The following FBXL13 variants were observed in gnomAD, a reference collection of about 807,000 sequenced individuals.
FBXL13 encodes F-box and leucine-rich repeat protein 13.
FBXL13 carries 67 observed loss-of-function variants against 83.6 expected under a neutral mutation model. The ratio of observed to expected loss-of-function variants is 0.80; its 90% CI spans 0.66 to 0.98. The LOEUF is 0.98. Among genes scored for constraint, FBXL13 ranks in the 50% least tolerant of loss-of-function variants. The pLI, the probability that FBXL13 is intolerant of heterozygous loss-of-function variation, is 0.00. For missense variants in FBXL13, 822 were observed against 866.5 expected, an observed-to-expected ratio of 0.95 and a Z score of 0.64; for synonymous variants, 272 against 299.5, an observed-to-expected ratio of 0.91 and a Z score of 0.95.
In FBXL13 at chr7:102,939,554, C is replaced by T. The variant is rs772141379; in HGVS notation, c.725-7621G>A. 6 of 1,613,926 alleles carry T rather than the reference C, an allele frequency of 3.7e-6. No individual in the cohort carries two copies. In the East Asian group the frequency reaches 1.3e-4, roughly 36 times the overall value. On this transcript the variant is annotated intron_variant, in intron 8 of 19. Transcript: ENST00000313221. ...TTCATGAGCTGAAGAAATTAAACCT[C>T]AGCAGCAATGGCATTGAATTCATCG...
chr7:103,028,671 T>C (rs1794192681), exon 4 of FBXL13: 3 of 1,604,358 alleles, frequency 1.9e-6, no homozygotes, highest in Non-Finnish European at 2.6e-6. Context: ...AAGTCTGAAA[T>C]TGTAGCATGT....
At chr7:102,971,966 C>A (rs1375707132) in intron 6 of FBXL13, among the ~76,000 whole-genome samples, 2 of 149,990 alleles carry the variant, frequency 1.3e-5, no homozygotes, top group Non-Finnish European at 2.9e-5. Context: ...GCAGAGGTTG[C>A]AGTGAGCCAA....
intron 6 of FBXL13, among the ~76,000 whole-genome samples, chr7:102,981,092 G>C (rs1453042788): frequency 6.6e-6 from 1 of 152,108 alleles, no homozygotes; most frequent in Non-Finnish European, 1.5e-5. Context: ...TTGTAGTTTT[G>C]TACCTACTGT....
chr7:102,944,189 A>G, intron 8 of FBXL13: 7 of 1,578,508 alleles, frequency 4.4e-6, no homozygotes, highest in African/African-American at 1.4e-5. Flanking sequence ...CTCAGGCTCA[A>G]TAAATATTTT....
chr7:103,018,786 T>C (rs548488366), intron 6 of FBXL13, among the ~76,000 whole-genome samples: 14 of 152,306 alleles, frequency 9.2e-5, no homozygotes, highest in South Asian at 2.1e-4. Context: ...CTATACTAAA[T>C]ATGTATGCAT....
chr7:102,926,458 C>G (rs1403957681), intron 9 of FBXL13, 84 bp from the exon 11 acceptor site: 12 of 1,030,910 alleles, frequency 1.2e-5, no homozygotes, highest in Non-Finnish European at 1.6e-5. Context: ...ATCCCTCTTC[C>G]TGTTCCAGAA....
chr7:103,010,534 G>GTA (rs1011043851), intron 6 of FBXL13, among the ~76,000 whole-genome samples: 5 of 152,034 alleles, frequency 3.3e-5, no homozygotes, highest in African/African-American at 1.2e-4. Context: ...CAACCCAGCA[G>GTA]TACCACTTCT....
At chr7:103,074,366 A>T in exon 1 of FBXL13, 2 of 1,033,610 alleles carry the variant, frequency 1.9e-6, no homozygotes, top group Non-Finnish European at 2.3e-6. Flanking sequence ...CTTCTTTCTC[A>T]CTCCTCCACT....
intron 8 of FBXL13, among the ~76,000 whole-genome samples, chr7:102,948,025 C>A (rs570146627): frequency 6.6e-6 from 1 of 151,802 alleles, no homozygotes; most frequent in Admixed American, 6.6e-5. Context: ...GTCTCCTGCT[C>A]TGGCAAATTG....
chr7:102,842,226 C>A (rs1022266367), intron 17 of FBXL13, among the ~76,000 whole-genome samples: 1 of 152,204 alleles, frequency 6.6e-6, no homozygotes, highest in African/African-American at 2.4e-5. Flanking sequence ...GGAAAGGAGT[C>A]CTCCGTTGCT....
chr7:102,836,494 T>G (rs756563518), intron 17 of FBXL13, among the ~76,000 whole-genome samples: 13 of 152,242 alleles, frequency 8.5e-5, no homozygotes, highest in Non-Finnish European at 1.8e-4. Flanking sequence ...AGAATCATAC[T>G]TCTATCGATG....
chr7:103,044,232 A>G (rs1373209968), intron 2 of FBXL13, among the ~76,000 whole-genome samples: 1 of 152,226 alleles, frequency 6.6e-6, no homozygotes, highest in Non-Finnish European at 1.5e-5. Context: ...TCAATAAATA[A>G]GTCGCATGCA....
At chr7:103,008,113 T>C (rs750156871) in intron 6 of FBXL13, among the ~76,000 whole-genome samples, 1 of 152,202 alleles carries the variant, frequency 6.6e-6, no homozygotes, top group Non-Finnish European at 1.5e-5. Context: ...ACCACGTCTA[T>C]GGTCTTTCTA....
chr7:103,012,680 C>G (rs57429328), intron 6 of FBXL13, among the ~76,000 whole-genome samples: 16,313 of 152,140 alleles, frequency 0.11, 1,064 homozygotes, highest in East Asian at 0.3. Context: ...AAGGAAAGAC[C>G]ATTACCAGCC....
At chr7:103,045,281 T>A (rs968246160) in intron 2 of FBXL13, among the ~76,000 whole-genome samples, 1 of 152,220 alleles carries the variant, frequency 6.6e-6, no homozygotes. Flanking sequence ...ACGTGCATAC[T>A]CCTAGTTAGG....
chr7:102,955,706 C>G (rs1369156181), intron 8 of FBXL13, among the ~76,000 whole-genome samples: 2 of 151,732 alleles, frequency 1.3e-5, no homozygotes, highest in African/African-American at 4.8e-5. Flanking sequence ...GGGATATCAC[C>G]ACCAATCCCA....
chr7:102,934,470 T>G lies in FBXL13; in HGVS notation c.725-2537A>C, dbSNP rs746620612. ...TTGCAGATTCCCAGGAACCGGAATTTGGGGAACTACGCCAAGTGTGAAAGT... is the reference window on the plus strand; with the variant it reads ...TTGCAGATTCCCAGGAACCGGAATTGGGGGAACTACGCCAAGTGTGAAAGT... On this transcript the variant is annotated intron_variant, in intron 8 of 19. Transcript: ENST00000313221. 2.5e-6 allele frequency: 4 copies of G among 1,614,050 alleles called. No individual in the cohort carries two copies. The East Asian group carries it at 8.9e-5, about 36-fold the overall frequency.
chr7:103,016,266 A>G (rs1019433622), intron 6 of FBXL13, among the ~76,000 whole-genome samples: 2 of 146,362 alleles, frequency 1.4e-5, no homozygotes, highest in African/African-American at 5.0e-5. Context: ...AAACTACACT[A>G]TAAGGCTATG....
intron 5 of FBXL13, among the ~76,000 whole-genome samples, chr7:103,026,474 T>C (rs572694828): frequency 6.6e-6 from 1 of 152,232 alleles, no homozygotes; most frequent in Admixed American, 6.5e-5. Context: ...CAGACTAACA[T>C]AGTATTAGGT....
Sources: gnomAD v4.1 joint callset for allele counts (sites outside exome capture counted in the v4.1 genomes callset) on GRCh38, gnomAD v4.1.1 for gene constraint, MANE v1.5 for transcripts, NCBI Gene and HGNC (gene_info 2026-07-23, HGNC 2026-07-21) for gene names.